Variants in CSGALNACT1 observed in about 807,000 individuals in gnomAD.
CSGALNACT1 encodes beta4GalNAcT-1.
CSGALNACT1 carries 52 observed loss-of-function variants against 51.0 expected under a neutral mutation model. The observed-to-expected ratio is 1.02, with a 90% CI of 0.82 to 1.29. The LOEUF (loss-of-function observed/expected upper bound fraction) is 1.29, where lower values mean the gene tolerates loss of function less well. Among genes scored for constraint, CSGALNACT1 ranks in the 50% most tolerant of loss-of-function variants. The pLI is 0.00. For missense variants in CSGALNACT1, 935 were observed against 679.2 expected (o/e 1.38, Z -4.19); for synonymous variants, 341 against 254.4 (o/e 1.34, Z -3.24).
At position 19,451,225 on chromosome 8, in the gene CSGALNACT1, G is replaced by C. The variant is rs369067609; in HGVS notation, c.851+7201C>G. Among the ~76,000 whole-genome samples the C allele has an allele frequency of 1.4e-4, 22 of 152,200 alleles. No homozygotes were observed. The East Asian group carries it at 3.5e-3, about 24-fold the overall frequency. On this transcript the variant is annotated intron_variant, in intron 5 of 9. Coordinates refer to ENST00000454498, the Ensembl canonical transcript of CSGALNACT1. Reference sequence around the variant, plus strand: ...TCTCTTCATTAAATATGAACAGCTGGAGGACTCTGGCCTTTGTTTTACCCC... The same window carrying C: ...TCTCTTCATTAAATATGAACAGCTGCAGGACTCTGGCCTTTGTTTTACCCC...
Position 19,419,286 on chromosome 8 carries a change from G to GACC in CSGALNACT1, c.1133-539_1133-537dup, listed in dbSNP as rs2057481153. Among the ~76,000 whole-genome samples, 5 of 152,340 alleles carry GACC rather than the reference G, an allele frequency of 3.3e-5. No homozygotes were observed. The South Asian group carries it at 1.0e-3, about 32-fold the overall frequency. On this transcript the variant is annotated intron_variant, in intron 7 of 9. Transcript: ENST00000454498. ...GATATTTGGAATACTGACAGACCAT[G>GACC]ACCAAGCACTGGGCATCACGCCTTG...
At chr8:19,675,442 G>C (rs1354660185) in intron 1 of CSGALNACT1, among the ~76,000 whole-genome samples, 1 of 152,060 alleles carries the variant, frequency 6.6e-6, no homozygotes, top group Admixed American at 6.6e-5. Context: ...AAAATGAGTG[G>C]AACCACAGAG....
chr8:19,555,738 C>A (rs4563899), intron 3 of CSGALNACT1, among the ~76,000 whole-genome samples: 1 of 151,922 alleles, frequency 6.6e-6, no homozygotes, highest in African/African-American at 2.4e-5. Context: ...TTTCTACTCA[C>A]AATTGCTTAT....
chr8:19,421,882 G>A (rs2058010163), intron 6 of CSGALNACT1, among the ~76,000 whole-genome samples: 1 of 152,104 alleles, frequency 6.6e-6, no homozygotes, highest in Non-Finnish European at 1.5e-5. Flanking sequence ...ATCAGGTTAG[G>A]AGGCCTCATG....
chr8:19,702,904 T>C (rs1273505085), intron 1 of CSGALNACT1, among the ~76,000 whole-genome samples: 1 of 151,818 alleles, frequency 6.6e-6, no homozygotes, highest in East Asian at 1.9e-4. Flanking sequence ...AGCCCCCACT[T>C]AGACCAGGGC....
rs2153693013 is a variant in CSGALNACT1 at position 19,418,749 on chromosome 8, C to T, written c.1134G>A (p.Gly378=). The change falls in exon 8 of 10, where the codon GGG becomes GGA. Residue 378 remains glycine (G), a splice_region_variant and synonymous_variant. Transcript: ENST00000454498. Reference sequence around the variant, plus strand: ...AAAGAACTGGATAAAATACCTTCTTCCCTACAAACCAGAAAACAAACATTC... The same window carrying T: ...AAAGAACTGGATAAAATACCTTCTTTCCTACAAACCAGAAAACAAACATTC... 6.3e-7 allele frequency: 1 copy of T among 1,599,434 alleles called. No individual in the cohort carries two copies. The highest frequency in any genetic ancestry group is 8.6e-7 in the Non-Finnish European group (1 of 1,166,696).
intron 4 of CSGALNACT1, among the ~76,000 whole-genome samples, chr8:19,481,045 C>T (rs889776967): frequency 6.6e-6 from 1 of 152,176 alleles, no homozygotes; most frequent in Non-Finnish European, 1.5e-5. Flanking sequence ...ATGTTGTCTA[C>T]TGCTGGAAAT....
At chr8:19,468,874 G>A (rs80110277) in intron 4 of CSGALNACT1, among the ~76,000 whole-genome samples, 4,149 of 152,248 alleles carry the variant, frequency 0.027, 106 homozygotes, top group East Asian at 0.13. Context: ...GGTCAGCCAG[G>A]AAGAGTCTGT....
chr8:19,718,030 C>A (rs2062911787), intron 1 of CSGALNACT1, among the ~76,000 whole-genome samples: 1 of 152,172 alleles, frequency 6.6e-6, no homozygotes, highest in South Asian at 2.1e-4. Context: ...TGGGCTGGGG[C>A]CTCTGCAGAC....
At chr8:19,626,045 A>G (rs1564289654) in intron 1 of CSGALNACT1, among the ~76,000 whole-genome samples, 5 of 152,366 alleles carry the variant, frequency 3.3e-5, no homozygotes, top group Admixed American at 3.3e-4. Context: ...TCCTAGCAAG[A>G]TTTTTTGTAG....
intron 1 of CSGALNACT1, among the ~76,000 whole-genome samples, chr8:19,688,439 G>T (rs1198223462): frequency 6.6e-6 from 1 of 152,156 alleles, no homozygotes; most frequent in Non-Finnish European, 1.5e-5. Context: ...CAGGTGGTGG[G>T]CAATTGCTAA....
At chr8:19,593,825 G>C (rs1286882969) in intron 2 of CSGALNACT1, among the ~76,000 whole-genome samples, 3 of 152,266 alleles carry the variant, frequency 2.0e-5, no homozygotes, top group Non-Finnish European at 4.4e-5. Flanking sequence ...TCCTTCCCTT[G>C]AGGGCTGGAT....
intron 3 of CSGALNACT1, among the ~76,000 whole-genome samples, chr8:19,562,078 C>A (rs912710979): frequency 2.0e-5 from 3 of 152,160 alleles, no homozygotes. Context: ...AGTATGGGTC[C>A]TGGGGGAGGA....
chr8:19,544,726 C>T (rs1289906189), intron 3 of CSGALNACT1, among the ~76,000 whole-genome samples: 1 of 152,172 alleles, frequency 6.6e-6, no homozygotes, highest in East Asian at 1.9e-4. Flanking sequence ...AATTAATAAA[C>T]CTCTAGTAGC....
chr8:19,523,477 C>T (rs2081110102), intron 3 of CSGALNACT1, among the ~76,000 whole-genome samples: 1 of 151,782 alleles, frequency 6.6e-6, no homozygotes, highest in South Asian at 2.1e-4. Flanking sequence ...GCAATGTTGT[C>T]CAGGTTGGTC....
intron 3 of CSGALNACT1, among the ~76,000 whole-genome samples, chr8:19,587,168 G>A (rs1360284476): frequency 1.3e-5 from 2 of 152,246 alleles, no homozygotes; most frequent in Admixed American, 6.5e-5. Context: ...GACTCATTAC[G>A]ATCTCCTGGG....
chr8:19,744,804 A>T (rs2064545876), intron 1 of CSGALNACT1, among the ~76,000 whole-genome samples: 1 of 152,196 alleles, frequency 6.6e-6, no homozygotes, highest in Admixed American at 6.5e-5. Flanking sequence ...AAATTGCTAC[A>T]TTTACTCTTT....
At chr8:19,475,907 T>C (rs1295446104) in intron 4 of CSGALNACT1, among the ~76,000 whole-genome samples, 1 of 152,200 alleles carries the variant, frequency 6.6e-6, no homozygotes, top group Non-Finnish European at 1.5e-5. Context: ...TCTAAGACTT[T>C]GGGCAAAGTC....
chr8:19,600,479 T>C (rs2050167075), intron 2 of CSGALNACT1, among the ~76,000 whole-genome samples: 1 of 152,194 alleles, frequency 6.6e-6, no homozygotes, highest in Non-Finnish European at 1.5e-5. Context: ...CATTGCTCTC[T>C]TTTGTATCAT....
Sources: gnomAD v4.1 joint callset for allele counts (sites outside exome capture counted in the v4.1 genomes callset) on GRCh38, gnomAD v4.1.1 for gene constraint, MANE v1.5 for transcripts, NCBI Gene and HGNC (gene_info 2026-07-23, HGNC 2026-07-21) for gene names.